PDE7A: variants seen among roughly 807,000 people sequenced by gnomAD.
PDE7A encodes the protein phosphodiesterase 7A, also known as high affinity 3',5'-cyclic-AMP phosphodiesterase 7A.
PDE7A carries 39 observed loss-of-function variants against 64.3 expected under a neutral mutation model. That is an observed-to-expected ratio of 0.61 (90% CI 0.47 to 0.79). PDE7A has a LOEUF of 0.79. Ranked by LOEUF, PDE7A falls within the 30% of genes least tolerant of loss-of-function variation. PDE7A has a pLI of 0.00. For synonymous variants in PDE7A, 203 were observed against 206.8 expected (o/e 0.98, Z 0.16); for missense variants, 470 against 582.8 (o/e 0.81, Z 1.99).
chr8:65,751,874 C>A (rs1353301945), intron 3 of PDE7A, among the ~76,000 whole-genome samples: 2 of 152,154 alleles, frequency 1.3e-5, no homozygotes, highest in African/African-American at 2.4e-5. Context: ...TATTTTACAA[C>A]CTGTTCTGCA....
intron 1 of PDE7A, among the ~76,000 whole-genome samples, chr8:65,822,223 C>A (rs1810558855): frequency 1.3e-5 from 2 of 152,300 alleles, no homozygotes; most frequent in Admixed American, 6.5e-5. Flanking sequence ...TCATTCTGAC[C>A]TTGCCGTCCA....
intron 1 of PDE7A, among the ~76,000 whole-genome samples, chr8:65,792,734 G>C (rs1809734609): frequency 6.6e-6 from 1 of 152,086 alleles, no homozygotes; most frequent in South Asian, 2.1e-4. Context: ...TTAATAACAA[G>C]TAATAAATCA....
At chr8:65,739,388 A>G (rs1445133514) in intron 6 of PDE7A, 114 bp downstream of exon 6, 1 of 1,197,014 alleles carries the variant, frequency 8.4e-7, no homozygotes, top group African/African-American at 1.6e-5. Flanking sequence ...TAAGCCACTA[A>G]TTTTGGCTGG....
At chr8:65,821,631 A>G (rs747914407) in intron 1 of PDE7A, among the ~76,000 whole-genome samples, 2 of 152,208 alleles carry the variant, frequency 1.3e-5, no homozygotes. Flanking sequence ...ATAAATGTTC[A>G]TTTTTAGAGC....
chr8:65,774,845 A>G (rs1469734113), intron 3 of PDE7A, among the ~76,000 whole-genome samples: 1 of 152,182 alleles, frequency 6.6e-6, no homozygotes, highest in Non-Finnish European at 1.5e-5. Context: ...CTGCTAATAC[A>G]CTGAATTTAC....
intron 1 of PDE7A, among the ~76,000 whole-genome samples, chr8:65,814,623 A>C (rs1810348836): frequency 6.6e-6 from 1 of 152,190 alleles, no homozygotes; most frequent in African/African-American, 2.4e-5. Flanking sequence ...TTTTCAGAAA[A>C]AGCATTCAGG....
At chr8:65,823,053 T>A (rs1291506248) in intron 1 of PDE7A, among the ~76,000 whole-genome samples, 1 of 152,166 alleles carries the variant, frequency 6.6e-6, no homozygotes, top group Non-Finnish European at 1.5e-5. Flanking sequence ...TCAAGTTTTA[T>A]TTTTCTATTT....
At chr8:65,719,828 A>G (rs1806299113) in intron 12 of PDE7A, 1 of 301,534 alleles carries the variant, frequency 3.3e-6, no homozygotes, top group African/African-American at 2.1e-5. Context: ...ATACTCGGGC[A>G]TAGCCCAATT....
At chr8:65,741,784 T>A (rs1256309770) in intron 5 of PDE7A, among the ~76,000 whole-genome samples, 1 of 152,236 alleles carries the variant, frequency 6.6e-6, no homozygotes, top group Non-Finnish European at 1.5e-5. Context: ...ATATTTAGAT[T>A]ATCATAAGGT....
In PDE7A at chr8:65,714,661, A is replaced by G. The variant is rs1806061996; in HGVS notation, c.*4629T>C. Reference sequence around the variant, plus strand: ...CTATTGGTCACTGTGTATTTTCTCAATCAGGAGATACCGATTGAGGGGATT... The same window carrying G: ...CTATTGGTCACTGTGTATTTTCTCAGTCAGGAGATACCGATTGAGGGGATT... On this transcript the variant is annotated 3_prime_UTR_variant, in exon 13 of 13. Coordinates refer to ENST00000401827, the MANE Select transcript of PDE7A (RefSeq NM_001242318.3). 1 of 152,222 alleles carries G rather than the reference A, an allele frequency of 6.6e-6. No individual in the cohort carries two copies. Among genetic ancestry groups the G allele is most frequent in the Non-Finnish European group, 1.5e-5 (1 of 68,022 alleles). The allele number at this position is 152,222 out of a possible 1,614,324, so 9.4% of individuals were successfully genotyped here. A position where few individuals can be genotyped will look rare whatever the true frequency, so the allele number is the denominator to read the frequency against.
chr8:65,787,327 T>C (rs748771817), intron 1 of PDE7A, among the ~76,000 whole-genome samples: 10 of 152,224 alleles, frequency 6.6e-5, no homozygotes, highest in Non-Finnish European at 1.5e-4. Context: ...CATAAACTGA[T>C]GGTTAAAGGG....
At chr8:65,817,620 G>C (rs1810440297) in intron 1 of PDE7A, among the ~76,000 whole-genome samples, 1 of 152,170 alleles carries the variant, frequency 6.6e-6, no homozygotes, top group South Asian at 2.1e-4. Context: ...TACTAGTCAG[G>C]TGCTCTTATG....
At chr8:65,722,657 C>A (rs746046965) in intron 12 of PDE7A, 1 of 152,300 alleles carries the variant, frequency 6.6e-6, no homozygotes, top group Non-Finnish European at 1.5e-5. Flanking sequence ...TTCCTGTGAA[C>A]TCCTGCAACA....
At chr8:65,788,584 T>A (rs924934829) in intron 1 of PDE7A, among the ~76,000 whole-genome samples, 1 of 152,208 alleles carries the variant, frequency 6.6e-6, no homozygotes, top group Admixed American at 6.5e-5. Context: ...AATTTTATAA[T>A]CTTAAAAGTT....
At chr8:65,808,524 C>G (rs540796986) in intron 1 of PDE7A, among the ~76,000 whole-genome samples, 2 of 152,128 alleles carry the variant, frequency 1.3e-5, no homozygotes, top group East Asian at 3.9e-4. Flanking sequence ...GAGAAAGAAT[C>G]TATTTCAATG....
At chr8:65,760,265 A>T (rs540328645) in intron 3 of PDE7A, among the ~76,000 whole-genome samples, 1 of 152,322 alleles carries the variant, frequency 6.6e-6, no homozygotes, top group South Asian at 2.1e-4. Context: ...TGTATCTATT[A>T]TCTTTTCATG....
chr8:65,763,250 T>C (rs2128915653), intron 3 of PDE7A, among the ~76,000 whole-genome samples: 1 of 152,110 alleles, frequency 6.6e-6, no homozygotes, highest in African/African-American at 2.4e-5. Flanking sequence ...TTTAATAAAA[T>C]AGGGATATGG....
chr8:65,837,745 T>C (rs1810981146), intron 1 of PDE7A, among the ~76,000 whole-genome samples: 1 of 152,228 alleles, frequency 6.6e-6, no homozygotes, highest in South Asian at 2.1e-4. Context: ...TACTTAACAG[T>C]AAACAGTACA....
intron 3 of PDE7A, chr8:65,765,501 A>AAG: frequency 1.4e-5 from 2 of 146,640 alleles, no homozygotes; most frequent in African/African-American, 2.6e-5. Context: ...AAAAAAAAAA[A>AAG]AAAAAAAAAA....
Sources: gnomAD v4.1 joint callset for allele counts (sites outside exome capture counted in the v4.1 genomes callset) on GRCh38, gnomAD v4.1.1 for gene constraint, MANE v1.5 for transcripts, NCBI Gene and HGNC (gene_info 2026-07-23, HGNC 2026-07-21) for gene names.